The following PTPRT variants were observed in gnomAD, a reference collection of about 807,000 sequenced individuals.
The protein encoded by PTPRT is receptor-type tyrosine-protein phosphatase T.
In PTPRT, 56 loss-of-function variants were observed where a neutral mutation model predicts 176.8. The ratio of observed to expected loss-of-function variants is 0.32; its 90% CI spans 0.26 to 0.40. The LOEUF (loss-of-function observed/expected upper bound fraction) is 0.40. Among genes scored for constraint, PTPRT ranks in the 10% least tolerant of loss-of-function variants. The pLI, the probability that PTPRT is intolerant of heterozygous loss-of-function variation, is 1.00. For missense variants in PTPRT, 1,540 were observed against 1,908.2 expected (o/e 0.81, Z 3.60); for synonymous variants, 783 against 739.0 (o/e 1.06, Z -0.96).
At chr20:42,360,167 T>C (rs2058413571) in intron 9 of PTPRT, among the ~76,000 whole-genome samples, 1 of 152,192 alleles carries the variant, frequency 6.6e-6, no homozygotes, top group East Asian at 1.9e-4. Context: ...GTGCCTACCA[T>C]GCATATGGCT....
chr20:42,271,413 C>T (rs1223903124), intron 13 of PTPRT, among the ~76,000 whole-genome samples: 3 of 152,164 alleles, frequency 2.0e-5, no homozygotes, highest in South Asian at 4.1e-4. Context: ...GACAGATGCC[C>T]CTTCTTGTCT....
At chr20:43,061,420 T>C (rs182212901) in intron 1 of PTPRT, among the ~76,000 whole-genome samples, 1 of 152,342 alleles carries the variant, frequency 6.6e-6, no homozygotes, top group East Asian at 1.9e-4. Flanking sequence ...CGGCCTCATG[T>C]TGAGCACCTT....
intron 1 of PTPRT, among the ~76,000 whole-genome samples, chr20:43,082,118 A>G (rs1310750572): frequency 6.6e-6 from 1 of 151,930 alleles, no homozygotes. Flanking sequence ...TTATCCCTTT[A>G]TTTTCAACCT....
intron 7 of PTPRT, among the ~76,000 whole-genome samples, chr20:42,633,818 T>TATATATATATATATATATATATAA (rs1491342115): frequency 3.1e-4 from 18 of 57,722 alleles, no homozygotes; most frequent in African/African-American, 1.5e-3. Context: ...TATATATATA[T>TATATATATATATATATATATATAA]AATAAAATAT....
chr20:42,154,724 C>T (rs1219681942), intron 17 of PTPRT, among the ~76,000 whole-genome samples: 1 of 152,180 alleles, frequency 6.6e-6, no homozygotes, highest in Non-Finnish European at 1.5e-5. Flanking sequence ...TTCCCTAAAC[C>T]TGCTGCTCTT....
At chr20:43,109,973 C>T (rs1388511412) in intron 1 of PTPRT, among the ~76,000 whole-genome samples, 1 of 152,136 alleles carries the variant, frequency 6.6e-6, no homozygotes, top group Admixed American at 6.5e-5. Flanking sequence ...AGCGTTTTAT[C>T]TCAGGAGCAA....
chr20:43,164,196 C>T (rs990409629), intron 1 of PTPRT, among the ~76,000 whole-genome samples: 20 of 152,104 alleles, frequency 1.3e-4, no homozygotes, highest in Non-Finnish European at 2.1e-4. Context: ...AAGGAGAAAA[C>T]GAGTTTGCTG....
intron 3 of PTPRT, 83 bp downstream of exon 3, chr20:42,791,112 T>C (rs911993620): frequency 1.7e-5 from 25 of 1,481,080 alleles, no homozygotes; most frequent in Non-Finnish European, 2.3e-5. Flanking sequence ...AAGTCCTTTC[T>C]AGACCTAGCA....
intron 9 of PTPRT, among the ~76,000 whole-genome samples, chr20:42,379,829 G>A (rs531515843): frequency 1.3e-5 from 2 of 152,344 alleles, no homozygotes; most frequent in South Asian, 4.1e-4. Flanking sequence ...CAAAGCTTGT[G>A]TGAGATCAGC....
At chr20:43,163,316 C>T (rs555389385) in intron 1 of PTPRT, among the ~76,000 whole-genome samples, 5 of 152,196 alleles carry the variant, frequency 3.3e-5, no homozygotes, top group South Asian at 2.1e-4. Context: ...AAAGTGTTCA[C>T]GTGGTCCACG....
chr20:42,518,561 T>C (rs1431160172), intron 7 of PTPRT, among the ~76,000 whole-genome samples: 1 of 152,112 alleles, frequency 6.6e-6, no homozygotes, highest in Non-Finnish European at 1.5e-5. Context: ...AATATGGTAA[T>C]CAATAGTATT....
intron 16 of PTPRT, among the ~76,000 whole-genome samples, chr20:42,197,376 CAAAAAAAAAA>C (rs3086756): frequency 6.0e-5 from 2 of 33,318 alleles, no homozygotes; most frequent in Non-Finnish European, 9.9e-5. Flanking sequence ...GAGACTCCAT[CAAAAAAAAAA>C]AAAAAAAAAA....
intron 6 of PTPRT, among the ~76,000 whole-genome samples, chr20:42,700,605 T>C (rs376613940): frequency 1.6e-4 from 25 of 152,142 alleles, no homozygotes; most frequent in African/African-American, 5.8e-4. Context: ...CCAAATAGAA[T>C]TCCTCGCATC....
intron 19 of PTPRT, among the ~76,000 whole-genome samples, chr20:42,122,591 C>T (rs181123833): frequency 1.9e-4 from 29 of 152,268 alleles, no homozygotes; most frequent in African/African-American, 6.7e-4. Flanking sequence ...CTCAAGTCTG[C>T]CCTCTTCTGC....
At chr20:42,404,972 T>TTA (rs200602736) in intron 9 of PTPRT, among the ~76,000 whole-genome samples, 19 of 77,926 alleles carry the variant, frequency 2.4e-4, no homozygotes, top group East Asian at 8.5e-4. Flanking sequence ...GGCCAATTAA[T>TTA]TATATATATA....
intron 16 of PTPRT, among the ~76,000 whole-genome samples, chr20:42,188,562 G>T (rs749694659): frequency 6.6e-6 from 1 of 152,078 alleles, no homozygotes; most frequent in African/African-American, 2.4e-5. Flanking sequence ...CTCACAAAAT[G>T]TTAGCTAGTA....
chr20:43,177,082 T>C lies in PTPRT; in HGVS notation c.88+12564A>G, dbSNP rs191615257. On this transcript the variant is annotated intron_variant, in intron 1 of 30. Coordinates refer to ENST00000373187, the MANE Select transcript of PTPRT (RefSeq NM_007050.6). ...TACAAGGTCCTTGCCAGATAATCTG[T>C]AACCCATCTGCAATGACGCCATTGG... Among the ~76,000 whole-genome samples the C allele has an allele frequency of 2.1e-4, 32 of 152,326 alleles. No homozygotes were observed. In the Middle Eastern group the frequency reaches 0.01, roughly 49 times the overall value.
At chr20:42,611,347 T>C (rs1441474365) in intron 7 of PTPRT, among the ~76,000 whole-genome samples, 1 of 152,200 alleles carries the variant, frequency 6.6e-6, no homozygotes, top group Non-Finnish European at 1.5e-5. Flanking sequence ...GTCTTTTTCA[T>C]GGTGGCCATC....
intron 2 of PTPRT, among the ~76,000 whole-genome samples, chr20:42,796,974 A>G (rs943645686): frequency 1.3e-5 from 2 of 152,254 alleles, no homozygotes; most frequent in Non-Finnish European, 2.9e-5. Flanking sequence ...ATGAGGATTA[A>G]TACAACTACT....
Sources: gnomAD v4.1 joint callset for allele counts (sites outside exome capture counted in the v4.1 genomes callset) on GRCh38, gnomAD v4.1.1 for gene constraint, MANE v1.5 for transcripts, NCBI Gene and HGNC (gene_info 2026-07-23, HGNC 2026-07-21) for gene names.